The following AFG2A variants were observed in gnomAD, a reference collection of about 807,000 sequenced individuals.
The protein encoded by AFG2A is ATPase family gene 2 protein homolog A.
At chr4:123,152,889 G>T in the AFG2A span, among the ~76,000 whole-genome samples, 1 of 152,202 alleles carries the variant, frequency 6.6e-6, no homozygotes, top group Non-Finnish European at 1.5e-5. Context: ...AAATAGAAGA[G>T]AAACTTGGGA....
chr4:123,242,981 C>A, the AFG2A span, among the ~76,000 whole-genome samples: 2 of 152,112 alleles, frequency 1.3e-5, no homozygotes, highest in Non-Finnish European at 1.5e-5. Context: ...ATGCAGCCAA[C>A]AGACACATGA....
the AFG2A span, among the ~76,000 whole-genome samples, chr4:123,016,483 G>A: frequency 2.0e-5 from 3 of 151,616 alleles, no homozygotes; most frequent in Non-Finnish European, 2.9e-5. Context: ...CATCCCAGAC[G>A]GGGTGGCGGG....
the AFG2A span, among the ~76,000 whole-genome samples, chr4:123,158,834 A>G: frequency 6.6e-6 from 1 of 152,192 alleles, no homozygotes; most frequent in African/African-American, 2.4e-5. Flanking sequence ...CAAGACTAAG[A>G]GCAGATTCCT....
At chr4:123,292,455 A>C in the AFG2A span, among the ~76,000 whole-genome samples, 1 of 152,162 alleles carries the variant, frequency 6.6e-6, no homozygotes, top group Non-Finnish European at 1.5e-5. Flanking sequence ...TTTATATTGC[A>C]GAATTATTTT....
the AFG2A span, among the ~76,000 whole-genome samples, chr4:123,115,169 G>A: frequency 5.9e-5 from 9 of 152,130 alleles, no homozygotes; most frequent in South Asian, 1.9e-3. Flanking sequence ...TGACATTGCC[G>A]CAAGTTCCCC....
chr4:123,002,007 A>G, the AFG2A span, among the ~76,000 whole-genome samples: 1 of 152,162 alleles, frequency 6.6e-6, no homozygotes, highest in Non-Finnish European at 1.5e-5. Flanking sequence ...GTTCATATAT[A>G]TTTAGGATAG....
chr4:123,058,327 T>C, the AFG2A span, among the ~76,000 whole-genome samples: 6 of 152,158 alleles, frequency 3.9e-5, no homozygotes, highest in Admixed American at 3.9e-4. Context: ...AAACCCCTTA[T>C]AAAACCGTCA....
the AFG2A span, among the ~76,000 whole-genome samples, chr4:123,204,139 A>G: frequency 2.6e-5 from 4 of 152,180 alleles, no homozygotes; most frequent in South Asian, 6.2e-4. Context: ...TTTAAGGTCA[A>G]CTGATCAACG....
the AFG2A span, among the ~76,000 whole-genome samples, chr4:123,228,471 T>C: frequency 6.6e-6 from 1 of 151,930 alleles, no homozygotes; most frequent in Non-Finnish European, 1.5e-5. Context: ...ATAATTCTTA[T>C]TCCCTATAGA....
the AFG2A span, among the ~76,000 whole-genome samples, chr4:123,111,878 A>G: frequency 0.1 from 15,951 of 152,078 alleles, 941 homozygotes; most frequent in Middle Eastern, 0.2. Flanking sequence ...CTGGGATTAC[A>G]GGCATGTGCC....
the AFG2A span, among the ~76,000 whole-genome samples, chr4:123,179,319 T>G: frequency 8.4e-6 from 1 of 118,716 alleles, no homozygotes; most frequent in African/African-American, 5.5e-5. Context: ...ACTTACTTAC[T>G]TACTTACTTA....
chr4:123,161,402 G>T, the AFG2A span, among the ~76,000 whole-genome samples: 2,133 of 152,258 alleles, frequency 0.014, 33 homozygotes, highest in Non-Finnish European at 0.018. Context: ...TCCAGCAGGG[G>T]TGACTAAGTG....
the AFG2A span, among the ~76,000 whole-genome samples, chr4:123,220,861 T>G: frequency 6.6e-6 from 1 of 152,148 alleles, no homozygotes; most frequent in African/African-American, 2.4e-5. Flanking sequence ...CATAATATTG[T>G]GTAAGATTGG....
the AFG2A span, among the ~76,000 whole-genome samples, chr4:122,992,457 T>A: frequency 6.6e-6 from 1 of 152,232 alleles, no homozygotes; most frequent in Non-Finnish European, 1.5e-5. Flanking sequence ...TCCTAAAAAT[T>A]CAGTTTCCTG....
At chr4:123,074,243 C>T in the AFG2A span, among the ~76,000 whole-genome samples, 9 of 151,650 alleles carry the variant, frequency 5.9e-5, no homozygotes, top group Non-Finnish European at 1.0e-4. Context: ...TACAGGCGCA[C>T]GCCACCATGC....
At chr4:122,944,579 G>T in the AFG2A span, among the ~76,000 whole-genome samples, 4 of 152,130 alleles carry the variant, frequency 2.6e-5, no homozygotes, top group Non-Finnish European at 5.9e-5. Context: ...CCTTTGGTTT[G>T]AATTTCCTCC....
the AFG2A span, among the ~76,000 whole-genome samples, chr4:122,982,736 T>C: frequency 6.6e-6 from 1 of 152,118 alleles, no homozygotes; most frequent in Non-Finnish European, 1.5e-5. Context: ...GGAATTTCTT[T>C]CTTTCTTCTT....
chr4:123,115,737 A>T, the AFG2A span, among the ~76,000 whole-genome samples: 2 of 152,088 alleles, frequency 1.3e-5, no homozygotes. Context: ...GCCCCACCAC[A>T]GCCGGTCCCG....
chr4:123,183,848 C>T, the AFG2A span, among the ~76,000 whole-genome samples: 4 of 152,302 alleles, frequency 2.6e-5, no homozygotes, highest in African/African-American at 9.6e-5. Flanking sequence ...CAGCCTCCAC[C>T]TCCCAGACTC....
Sources: gnomAD v4.1 joint callset for allele counts (sites outside exome capture counted in the v4.1 genomes callset) on GRCh38, gnomAD v4.1.1 for gene constraint, MANE v1.5 for transcripts, NCBI Gene and HGNC (gene_info 2026-07-23, HGNC 2026-07-21) for gene names.